ARID1B: variants seen among roughly 807,000 people sequenced by gnomAD.
ARID1B encodes the protein AT-rich interactive domain-containing protein 1B.
Under a neutral mutation model 212.3 loss-of-function variants are expected in ARID1B, and 30 were observed. The observed-to-expected ratio is 0.14, with a 90% confidence interval of 0.11 to 0.19. The LOEUF (loss-of-function observed/expected upper bound fraction) is 0.19. ARID1B is among the 10% of genes least tolerant of loss of function. The pLI, the probability that ARID1B is intolerant of heterozygous loss-of-function variation, is 1.00. For synonymous variants in ARID1B, 1,402 were observed against 1,301.7 expected, an observed-to-expected ratio of 1.08 and a Z score of -1.66; for missense variants, 2,891 against 3,204.0, an observed-to-expected ratio of 0.90 and a Z score of 2.36.
rs1015072529 is a variant in ARID1B, at chr6:156,970,161, A to G, written c.2247+34585A>G. ...AATGGCATGATCTTGGCTCACTGCA[A>G]CCTGTGCCTCCTGGGTTCAAGCAAT... is the stretch of plus-strand genomic sequence containing the variant. On this transcript the variant is annotated intron_variant, in intron 4 of 19. Coordinates refer to ENST00000636930, the MANE Select transcript of ARID1B (RefSeq NM_001374828.1). Among the ~76,000 whole-genome samples the G allele has an allele frequency of 5.9e-5, 9 of 152,148 alleles. No individual in the cohort carries two copies. The East Asian group carries it at 1.3e-3, about 23-fold the overall frequency.
chr6:156,890,704 T>C (rs989933947), intron 2 of ARID1B, among the ~76,000 whole-genome samples: 15 of 152,228 alleles, frequency 9.9e-5, no homozygotes, highest in African/African-American at 3.4e-4. Context: ...TTTTGTATAC[T>C]TTGCCAACTT....
intron 8 of ARID1B, among the ~76,000 whole-genome samples, chr6:157,153,126 T>C (rs17165185): frequency 0.035 from 5,387 of 152,316 alleles, 323 homozygotes; most frequent in African/African-American, 0.12. Flanking sequence ...TAGAAACTGT[T>C]TTATTAATTT....
At chr6:156,906,546 CAAAAAAAAAAAAAAAAAA>C (rs55660810) in intron 3 of ARID1B, among the ~76,000 whole-genome samples, 11 of 39,680 alleles carry the variant, frequency 2.8e-4, no homozygotes, top group South Asian at 3.7e-3. Context: ...ACTCCATCTC[CAAAAAAAAAAAAAAAAAA>C]AAAAAAAAAA....
At chr6:156,834,019 G>A (rs1783324969) in intron 2 of ARID1B, among the ~76,000 whole-genome samples, 1 of 152,050 alleles carries the variant, frequency 6.6e-6, no homozygotes, top group South Asian at 2.1e-4. Flanking sequence ...CAATTTCTAG[G>A]GTTTCCACCT....
At chr6:156,990,521 A>G (rs1288654020) in intron 4 of ARID1B, among the ~76,000 whole-genome samples, 2 of 152,006 alleles carry the variant, frequency 1.3e-5, no homozygotes, top group Non-Finnish European at 2.9e-5. Context: ...TGCGCCTGTA[A>G]TCCCAGCCAC....
At chr6:157,073,367 G>A (rs949835850) in intron 4 of ARID1B, among the ~76,000 whole-genome samples, 1 of 151,958 alleles carries the variant, frequency 6.6e-6, no homozygotes, top group African/African-American at 2.4e-5. Flanking sequence ...GCCTCCCAAA[G>A]TGCTAGGATT....
At chr6:157,089,984 C>G (rs1189079419) in intron 5 of ARID1B, among the ~76,000 whole-genome samples, 2 of 152,150 alleles carry the variant, frequency 1.3e-5, no homozygotes, top group Admixed American at 6.5e-5. Flanking sequence ...TTGGGTCTTA[C>G]GCTGGGCCTG....
At chr6:156,966,961 A>G (rs527484813) in intron 4 of ARID1B, among the ~76,000 whole-genome samples, 48 of 152,262 alleles carry the variant, frequency 3.2e-4, no homozygotes, top group South Asian at 1.2e-3. Context: ...CAGCCTCCCA[A>G]AGTGCTGGGA....
At chr6:157,117,548 A>G (rs115094057) in intron 6 of ARID1B, among the ~76,000 whole-genome samples, 2,134 of 152,256 alleles carry the variant, frequency 0.014, 42 homozygotes, top group African/African-American at 0.049. Flanking sequence ...TATGAGTTCA[A>G]CTGAGCTTCC....
intron 3 of ARID1B, among the ~76,000 whole-genome samples, chr6:156,912,254 CTTTTTTTT>C (rs34051264): frequency 2.2e-4 from 28 of 126,614 alleles, no homozygotes; most frequent in Admixed American, 2.0e-3. Context: ...AATCAAACCT[CTTTTTTTT>C]TTTTTTTTTT....
At chr6:157,042,380 C>T (rs928988543) in intron 4 of ARID1B, among the ~76,000 whole-genome samples, 13 of 152,156 alleles carry the variant, frequency 8.5e-5, no homozygotes, top group Admixed American at 4.6e-4. Context: ...ACCTGTCTTC[C>T]GGGCTAAATG....
intron 2 of ARID1B, among the ~76,000 whole-genome samples, chr6:156,896,576 CAAA>C (rs72490811): frequency 0.1 from 4,703 of 45,584 alleles, 83 homozygotes; most frequent in Middle Eastern, 0.13. Context: ...AACTGCGTCT[CAAA>C]AAAAAAAAAA....
chr6:157,133,704 C>T (rs1788712484), intron 7 of ARID1B, among the ~76,000 whole-genome samples: 1 of 152,176 alleles, frequency 6.6e-6, no homozygotes, highest in Non-Finnish European at 1.5e-5. Flanking sequence ...TCTCACTTTC[C>T]CAGTCAACCC....
At chr6:156,918,042 A>T (rs1256671941) in intron 3 of ARID1B, among the ~76,000 whole-genome samples, 1 of 152,260 alleles carries the variant, frequency 6.6e-6, no homozygotes, top group African/African-American at 2.4e-5. Context: ...ATTTTTTAAC[A>T]TAAAATATCC....
intron 3 of ARID1B, among the ~76,000 whole-genome samples, chr6:156,915,606 T>C (rs111260211): frequency 0.022 from 3,306 of 148,774 alleles, 139 homozygotes; most frequent in African/African-American, 0.077. Context: ...TTTTAAAGAT[T>C]TGGTTTTGGG....
chr6:156,787,167 G>C (rs1202193828), intron 1 of ARID1B, among the ~76,000 whole-genome samples: 1 of 151,704 alleles, frequency 6.6e-6, no homozygotes, highest in East Asian at 1.9e-4. Context: ...TATATAGAAT[G>C]GTCCTTTTTC....
intron 5 of ARID1B, among the ~76,000 whole-genome samples, chr6:157,105,356 C>T (rs899800935): frequency 2.0e-5 from 3 of 151,750 alleles, no homozygotes; most frequent in Non-Finnish European, 4.4e-5. Flanking sequence ...CAAAAGACAC[C>T]GTAAGCAAAA....
chr6:156,778,952 GGCGGCC>G lies in ARID1B; in HGVS notation c.1278_1283del (p.Ala432_Ala433del). The G allele has an allele frequency of 7.8e-7, 1 of 1,288,604 alleles. No homozygotes were observed. Among genetic ancestry groups the G allele is most frequent in the Non-Finnish European group, 9.7e-7 (1 of 1,026,982 alleles). 79.8% of individuals were successfully genotyped at this position (1,288,604 alleles called of 1,614,324 possible). A position where few individuals can be genotyped will look rare whatever the true frequency, so the allele number is the denominator to read the frequency against. On this transcript the variant is annotated inframe_deletion, in exon 1 of 20. Coordinates refer to ENST00000636930, the MANE Select transcript of ARID1B (RefSeq NM_001374828.1). ...GAGCAGGAGCGGGAGCTGTGGCGGC[GGCGGCC>G]GCGGCGGCGGCGGCAGCAGCAGGAG... is the stretch of plus-strand genomic sequence containing the variant.
chr6:157,170,692 G>A (rs1414500727), intron 9 of ARID1B, among the ~76,000 whole-genome samples: 1 of 152,192 alleles, frequency 6.6e-6, no homozygotes, highest in African/African-American at 2.4e-5. Context: ...TGGCCACAGT[G>A]GGGAGGGGGC....
Sources: allele counts gnomAD v4.1 joint callset (sites outside exome capture counted in the v4.1 genomes callset), GRCh38; gene constraint gnomAD v4.1.1; transcripts MANE v1.5; gene names NCBI Gene and HGNC (gene_info 2026-07-23, HGNC 2026-07-21).